Variants in RIMS2 observed in about 807,000 individuals in gnomAD.
RIMS2 encodes regulating synaptic membrane exocytosis 2, also known as regulating synaptic membrane exocytosis protein 2.
In RIMS2, 59 loss-of-function variants were observed where a neutral mutation model predicts 174.4. That is an observed-to-expected ratio of 0.34 (90% CI 0.27 to 0.42). The LOEUF (loss-of-function observed/expected upper bound fraction) is 0.42, where lower values mean the gene tolerates loss of function less well. Ranked by LOEUF, RIMS2 falls within the 10% of genes least tolerant of loss-of-function variation. RIMS2 has a pLI of 1.00. For missense variants in RIMS2, 1,620 were observed against 1,666.3 expected, an observed-to-expected ratio of 0.97 and a Z score of 0.48; for synonymous variants, 606 against 572.5, an observed-to-expected ratio of 1.06 and a Z score of -0.84.
chr8:103,567,096 A>G (rs539287219), intron 1 of RIMS2, among the ~76,000 whole-genome samples: 3 of 152,228 alleles, frequency 2.0e-5, no homozygotes, highest in South Asian at 4.1e-4. Flanking sequence ...GTTGTCTTTT[A>G]TGACTACTTT....
chr8:103,553,715 A>G (rs898719335), intron 1 of RIMS2, among the ~76,000 whole-genome samples: 10 of 152,162 alleles, frequency 6.6e-5, no homozygotes, highest in African/African-American at 1.9e-4. Context: ...TGAAATTCAT[A>G]TGGAACCAAA....
chr8:104,119,382 A>C (rs112983873), intron 19 of RIMS2, among the ~76,000 whole-genome samples: 2,367 of 151,666 alleles, frequency 0.016, 73 homozygotes, highest in African/African-American at 0.054. Flanking sequence ...AACAAAAAAA[A>C]CCCATAATTT....
chr8:103,899,888 A>T (rs1414058404), intron 4 of RIMS2, among the ~76,000 whole-genome samples: 3 of 151,666 alleles, frequency 2.0e-5, no homozygotes, highest in Non-Finnish European at 4.4e-5. Context: ...TCTTGAATTA[A>T]TTTTTGTATA....
intron 3 of RIMS2, among the ~76,000 whole-genome samples, chr8:103,808,083 G>T (rs1487645817): frequency 6.6e-6 from 1 of 152,100 alleles, no homozygotes; most frequent in Admixed American, 6.6e-5. Context: ...GGCTAGATCT[G>T]GGTTTTATGG....
intron 19 of RIMS2, among the ~76,000 whole-genome samples, chr8:104,092,416 A>C (rs1032565689): frequency 9.2e-5 from 14 of 151,886 alleles, no homozygotes; most frequent in Admixed American, 9.2e-4. Context: ...CATCTAAACA[A>C]ATAAAAATCA....
intron 3 of RIMS2, among the ~76,000 whole-genome samples, chr8:103,830,191 T>A (rs75420948): frequency 0.011 from 1,742 of 152,180 alleles, 23 homozygotes; most frequent in South Asian, 0.049. Context: ...TTTGATTTTG[T>A]TACTTTTCTC....
intron 1 of RIMS2, among the ~76,000 whole-genome samples, chr8:103,526,141 A>G (rs1833883344): frequency 6.6e-6 from 1 of 152,172 alleles, no homozygotes; most frequent in African/African-American, 2.4e-5. Context: ...GGTCCACTGA[A>G]CAGGGAGATT....
chr8:103,849,469 G>C (rs746737264), intron 3 of RIMS2, among the ~76,000 whole-genome samples: 1 of 152,066 alleles, frequency 6.6e-6, no homozygotes, highest in African/African-American at 2.4e-5. Flanking sequence ...GCCTTGCCTT[G>C]GCTAATCCTC....
chr8:103,882,253 C>T (rs1177079299), intron 3 of RIMS2, among the ~76,000 whole-genome samples: 1 of 151,386 alleles, frequency 6.6e-6, no homozygotes, highest in East Asian at 1.9e-4. Flanking sequence ...AAACACATTA[C>T]TTGAATTTAC....
At chr8:104,150,790 A>G (rs1600046107) in intron 19 of RIMS2, among the ~76,000 whole-genome samples, 1 of 152,168 alleles carries the variant, frequency 6.6e-6, no homozygotes, top group East Asian at 1.9e-4. Context: ...GAAGTTTTAA[A>G]AGGTTCTCAG....
chr8:104,235,593 T>TC (rs141404895), intron 19 of RIMS2, among the ~76,000 whole-genome samples: 13,927 of 152,082 alleles, frequency 0.092, 791 homozygotes, highest in African/African-American at 0.16. Flanking sequence ...ACAATGAACA[T>TC]CCACTACATA....
chr8:103,789,824 C>T (rs1009686518), intron 3 of RIMS2, among the ~76,000 whole-genome samples: 2 of 140,944 alleles, frequency 1.4e-5, no homozygotes, highest in South Asian at 2.2e-4. Context: ...CACAGTCATG[C>T]TCACAGCAGC....
At chr8:104,089,468 A>G (rs1210841411) in intron 19 of RIMS2, among the ~76,000 whole-genome samples, 1 of 151,852 alleles carries the variant, frequency 6.6e-6, no homozygotes, top group Non-Finnish European at 1.5e-5. Flanking sequence ...GTTGAGTTGT[A>G]TATGTGAATA....
At chr8:103,609,375 C>T (rs2095283738) in intron 1 of RIMS2, among the ~76,000 whole-genome samples, 1 of 152,034 alleles carries the variant, frequency 6.6e-6, no homozygotes, top group Non-Finnish European at 1.5e-5. Flanking sequence ...GTTCTATTTG[C>T]CAATGTTTGT....
chr8:104,252,058 C>T (rs543104686), downstream of RIMS2: 27 of 540,378 alleles, frequency 5.0e-5, no homozygotes, highest in African/African-American at 4.5e-4. Flanking sequence ...CAATGACACT[C>T]GAGTTCTGGT....
At chr8:103,872,959 T>C (rs1187674490) in intron 3 of RIMS2, among the ~76,000 whole-genome samples, 1 of 152,174 alleles carries the variant, frequency 6.6e-6, no homozygotes, top group Non-Finnish European at 1.5e-5. Flanking sequence ...TTTGGTTCTT[T>C]TATGGATTTT....
At chr8:103,758,196 C>T (rs1364061731) in intron 2 of RIMS2, among the ~76,000 whole-genome samples, 1 of 152,126 alleles carries the variant, frequency 6.6e-6, no homozygotes, top group Non-Finnish European at 1.5e-5. Flanking sequence ...CTTCCTCTTT[C>T]CTCTGAACTT....
At chr8:103,689,466 A>C (rs1351523955) in intron 1 of RIMS2, among the ~76,000 whole-genome samples, 2 of 152,126 alleles carry the variant, frequency 1.3e-5, no homozygotes, top group Non-Finnish European at 1.5e-5. Flanking sequence ...TGAAGTCTCC[A>C]GCTATCATTG....
intron 1 of RIMS2, among the ~76,000 whole-genome samples, chr8:103,580,728 C>T (rs764130111): frequency 6.6e-5 from 10 of 151,930 alleles, no homozygotes; most frequent in Non-Finnish European, 8.8e-5. Flanking sequence ...AAGCTGACAG[C>T]CTGATTGCTT....
Sources: allele counts gnomAD v4.1 joint callset (sites outside exome capture counted in the v4.1 genomes callset), GRCh38; gene constraint gnomAD v4.1.1; transcripts MANE v1.5; gene names NCBI Gene and HGNC (gene_info 2026-07-23, HGNC 2026-07-21).